The following GRK4 variants were observed in gnomAD, a reference collection of about 807,000 sequenced individuals.
GRK4 encodes G protein-coupled receptor kinase 2-like.
In GRK4, 73 loss-of-function variants were observed where a neutral mutation model predicts 77.9. The ratio of observed to expected loss-of-function variants is 0.94; its 90% CI spans 0.78 to 1.14. The LOEUF (loss-of-function observed/expected upper bound fraction) is 1.14. GRK4 is among the 50% of genes most tolerant of loss of function. The pLI, the probability that GRK4 is intolerant of heterozygous loss-of-function variation, is 0.00. For missense variants in GRK4, 729 were observed against 700.2 expected (o/e 1.04, Z -0.46); for synonymous variants, 257 against 254.4 (o/e 1.01, Z -0.10).
intron 7 of GRK4, 41 bp from the exon 8 acceptor site, chr4:3,013,647 C>A: frequency 6.3e-7 from 1 of 1,577,054 alleles, no homozygotes; most frequent in Non-Finnish European, 8.6e-7. Context: ...TAAGAAATGC[C>A]AGGTGGACAT....
intron 3 of GRK4, 102 bp from the exon 4 acceptor site, chr4:2,992,113 A>G: frequency 2.8e-6 from 2 of 719,900 alleles, no homozygotes; most frequent in Non-Finnish European, 2.4e-6. Context: ...CTTGAGCTCA[A>G]GTGATCCTCC....
intron 6 of GRK4, 77 bp from the exon 7 acceptor site, chr4:3,009,571 C>A: frequency 2.8e-6 from 3 of 1,087,166 alleles, no homozygotes; most frequent in Non-Finnish European, 4.2e-6. Context: ...GAGGCGAAGA[C>A]AAGCGCTGAG....
At chr4:2,997,535 TAGAG>T (rs368249669) in intron 4 of GRK4, among the ~76,000 whole-genome samples, 66 of 151,834 alleles carry the variant, frequency 4.3e-4, no homozygotes, top group Middle Eastern at 6.8e-3. Context: ...CACTTGATAA[TAGAG>T]AGAGAGAGAC....
rs149608547 is a variant in GRK4 at position 3,029,077 on chromosome 4, A to G, written c.1061-124A>G. On this transcript the variant is annotated intron_variant, in intron 11 of 15. Coordinates refer to ENST00000398052, the MANE Select transcript of GRK4 (RefSeq NM_182982.3). ...GTGAGCCACCGCTCCCAGCCTTAAC[A>G]TAATGTTTTTAAGGTTCGTCCATGT... The G allele has an allele frequency of 1.6e-3, 1,250 of 761,182 alleles. 14 individuals are homozygous for G. The highest frequency in any genetic ancestry group is 0.014 in the East Asian group (539 of 37,198). The allele number at this position is 761,182 out of a possible 1,614,324, so 47.2% of individuals were successfully genotyped here. A position where few individuals can be genotyped will look rare whatever the true frequency, so the allele number is the denominator to read the frequency against.
chr4:2,973,969 T>C (rs1720371044), intron 1 of GRK4, among the ~76,000 whole-genome samples: 1 of 152,182 alleles, frequency 6.6e-6, no homozygotes, highest in Admixed American at 6.5e-5. Flanking sequence ...CTTACGGGGC[T>C]TGTTCTCTCA....
At position 3,001,332 on chromosome 4, in the gene GRK4, C is replaced by T. The variant is rs1287741327; in HGVS notation, c.340-2899C>T. Among the ~76,000 whole-genome samples, 10 of 118,114 alleles carry T rather than the reference C, an allele frequency of 8.5e-5. No homozygotes were observed. The South Asian group carries it at 2.0e-3, about 23-fold the overall frequency. 77.5% of individuals were successfully genotyped at this position (118,114 alleles called of 152,430 possible). ...ATGTGTGTGTGAGTACATATACACACACACACACACACACACACACACATA... is the reference window on the plus strand; with the variant it reads ...ATGTGTGTGTGAGTACATATACACATACACACACACACACACACACACATA... On this transcript the variant is annotated intron_variant, in intron 4 of 15. Transcript: ENST00000398052.
intron 2 of GRK4, 35 bp from the exon 3 acceptor site, chr4:2,988,692 T>C (rs748630336): frequency 3.5e-6 from 4 of 1,127,064 alleles, no homozygotes; most frequent in Non-Finnish European, 4.1e-6. Context: ...GTAATGATTC[T>C]ATTTGTTTGC....
intron 1 of GRK4, among the ~76,000 whole-genome samples, chr4:2,972,653 A>G (rs1362593211): frequency 1.3e-5 from 2 of 151,898 alleles, no homozygotes; most frequent in Admixed American, 6.6e-5. Flanking sequence ...AGGTCTAGTC[A>G]TATGTGGCGG....
Position 3,029,410 on chromosome 4 carries a change from G to GT in GRK4, c.1269+2dup, listed in dbSNP as rs1560495117. The GT allele has an allele frequency of 3.7e-6, 6 of 1,611,690 alleles. No individual in the cohort carries two copies. The South Asian group carries it at 6.6e-5, about 18-fold the overall frequency. On this transcript the variant is annotated splice_donor_variant, in intron 12 of 15. Coordinates refer to ENST00000398052, the MANE Select transcript of GRK4 (RefSeq NM_182982.3). LOFTEE classifies it high-confidence loss of function. ...GGATGCCAAATCTATCTGCAGGATGGTAAGTCAGGCTCTGTAGAGGCTGGG... is the reference window on the plus strand; with the variant it reads ...GGATGCCAAATCTATCTGCAGGATGGTTAAGTCAGGCTCTGTAGAGGCTGGG...
intron 10 of GRK4, among the ~76,000 whole-genome samples, chr4:3,026,146 G>A (rs1737495819): frequency 1.3e-5 from 2 of 152,204 alleles, no homozygotes; most frequent in Non-Finnish European, 2.9e-5. Flanking sequence ...AGTCCTAGAA[G>A]TGGGTGAATT....
intron 15 of GRK4, among the ~76,000 whole-genome samples, chr4:3,039,897 C>T (rs1285225810): frequency 6.6e-6 from 1 of 152,076 alleles, no homozygotes; most frequent in Non-Finnish European, 1.5e-5. Flanking sequence ...CCAGTGTCCA[C>T]ACTTGGAGAT....
At chr4:2,971,446 C>T (rs1470518022) in intron 1 of GRK4, among the ~76,000 whole-genome samples, 1 of 151,882 alleles carries the variant, frequency 6.6e-6, no homozygotes, top group African/African-American at 2.4e-5. Context: ...AATGTTGTGG[C>T]CTATAGTAGG....
intron 5 of GRK4, 53 bp downstream of exon 5, chr4:3,004,387 CA>C (rs1176619061): frequency 8.7e-7 from 1 of 1,151,060 alleles, no homozygotes; most frequent in Non-Finnish European, 1.3e-6. Flanking sequence ...AACCCCAAAA[CA>C]GACAGCTTTC....
chr4:2,974,571 G>C (rs1003833796), intron 1 of GRK4, among the ~76,000 whole-genome samples: 1 of 152,234 alleles, frequency 6.6e-6, no homozygotes, highest in Non-Finnish European at 1.5e-5. Flanking sequence ...ATCTCCTTCT[G>C]AGAAGCTGAC....
rs184728924 is a variant in GRK4 at position 3,002,293 on chromosome 4, G to A, written c.340-1938G>A. 5.9e-5 allele frequency among the ~76,000 whole-genome samples: 9 copies of A among 152,142 alleles called. No homozygotes were observed. The East Asian group carries it at 9.6e-4, about 16-fold the overall frequency. Reference sequence around the variant, plus strand: ...AAGAAAGTGGGGTAGCTCTATAGACGTCAGCACATACTTTAAACACTGGAC... The same window carrying A: ...AAGAAAGTGGGGTAGCTCTATAGACATCAGCACATACTTTAAACACTGGAC... On this transcript the variant is annotated intron_variant, in intron 4 of 15. Coordinates refer to ENST00000398052, the MANE Select transcript of GRK4 (RefSeq NM_182982.3).
At chr4:3,036,505 C>T (rs1427100712) in intron 13 of GRK4, among the ~76,000 whole-genome samples, 6 of 152,248 alleles carry the variant, frequency 3.9e-5, no homozygotes, top group South Asian at 4.1e-4. Flanking sequence ...CTCAGGACTG[C>T]GGGTGCCTCC....
chr4:2,965,747 A>G, intron 1 of GRK4: 1 of 393,298 alleles, frequency 2.5e-6, no homozygotes, highest in Non-Finnish European at 4.8e-6. Context: ...TTTGAATAGA[A>G]GAACTGAGAA....
chr4:3,038,463 C>T lies in GRK4; in HGVS notation c.1633C>T (p.Pro545Ser). ...AGATCTAGACAAGAACATACATACC[C>T]CGGTTTCCAGACCAAACAGAGGCTT... is the stretch of plus-strand genomic sequence containing the variant. ...PLDLDKNIHT[P>S]VSRPNRGFFY... The change falls in exon 15 of 16, where the codon CCG (proline) becomes TCG (serine). Residue 545 changes from proline to serine, a missense_variant. Transcript: ENST00000398052. The T allele has an allele frequency of 6.2e-7, 1 of 1,614,124 alleles. No individual in the cohort carries two copies. Among genetic ancestry groups the T allele is most frequent in the Non-Finnish European group, 8.5e-7 (1 of 1,180,012 alleles).
intron 2 of GRK4, chr4:2,987,044 ACAGT>A (rs1427509975): frequency 1.9e-5 from 9 of 475,602 alleles, no homozygotes; most frequent in Non-Finnish European, 3.3e-5. Context: ...AACCATCACC[ACAGT>A]CAATTTGACA....
Sources: allele counts gnomAD v4.1 joint callset (sites outside exome capture counted in the v4.1 genomes callset), GRCh38; gene constraint gnomAD v4.1.1; transcripts MANE v1.5; gene names NCBI Gene and HGNC (gene_info 2026-07-23, HGNC 2026-07-21).